ELOVL4: variants seen among roughly 807,000 people sequenced by gnomAD.
ELOVL4 encodes the protein very long chain fatty acid elongase 4.
A neutral mutation model predicts 42.1 loss-of-function variants in ELOVL4; 18 were observed. That is an observed-to-expected ratio of 0.43 (90% CI 0.30 to 0.63). ELOVL4 has a LOEUF of 0.63. Among genes scored for constraint, ELOVL4 ranks in the 30% least tolerant of loss-of-function variants. The pLI, the probability that ELOVL4 is intolerant of heterozygous loss-of-function variation, is 0.15. For synonymous variants in ELOVL4, 117 were observed against 127.0 expected (o/e 0.92, Z 0.53); for missense variants, 299 against 376.2 (o/e 0.79, Z 1.70).
intron 1 of ELOVL4, among the ~76,000 whole-genome samples, chr6:79,936,166 C>A (rs562427688): frequency 6.6e-6 from 1 of 152,180 alleles, no homozygotes. Flanking sequence ...TTTAATCTAC[C>A]ATAAAAAAAG....
At chr6:79,943,818 T>A (rs537091248) in intron 1 of ELOVL4, among the ~76,000 whole-genome samples, 26 of 152,318 alleles carry the variant, frequency 1.7e-4, no homozygotes, top group African/African-American at 6.0e-4. Context: ...TCCCTCTTCC[T>A]GTACCACTCA....
intron 1 of ELOVL4, among the ~76,000 whole-genome samples, chr6:79,928,439 T>G (rs1345970111): frequency 6.6e-6 from 1 of 151,742 alleles, no homozygotes; most frequent in Non-Finnish European, 1.5e-5. Context: ...AAAAAAAAAA[T>G]TAAAGAAATA....
intron 3 of ELOVL4, among the ~76,000 whole-genome samples, chr6:79,924,484 T>C (rs1774311325): frequency 6.6e-6 from 1 of 152,144 alleles, no homozygotes; most frequent in Non-Finnish European, 1.5e-5. Context: ...TTAAGTACTT[T>C]TTAAAAAAGC....
intron 1 of ELOVL4, among the ~76,000 whole-genome samples, chr6:79,932,406 G>C (rs145869247): frequency 4.2e-4 from 64 of 151,962 alleles, no homozygotes; most frequent in African/African-American, 1.5e-3. Flanking sequence ...TTAGCTGGGC[G>C]TGGTGGTGTG....
At chr6:79,926,945 C>A (rs1008104017) in intron 1 of ELOVL4, among the ~76,000 whole-genome samples, 1 of 152,162 alleles carries the variant, frequency 6.6e-6, no homozygotes, top group African/African-American at 2.4e-5. Flanking sequence ...TGTAAACAGT[C>A]ACCATATTCA....
At chr6:79,920,036 T>C (rs1451148692) in intron 4 of ELOVL4, among the ~76,000 whole-genome samples, 1 of 152,206 alleles carries the variant, frequency 6.6e-6, no homozygotes, top group East Asian at 1.9e-4. Flanking sequence ...TCAAACTCAA[T>C]GACATTCTTT....
At chr6:79,921,913 G>A in intron 3 of ELOVL4, 117 bp from the exon 4 acceptor site, 1 of 989,400 alleles carries the variant, frequency 1.0e-6, no homozygotes, top group Non-Finnish European at 1.5e-6. Flanking sequence ...TACAAGGCAT[G>A]GAATCATTAA....
chr6:79,921,461 A>C (rs1361880856), intron 4 of ELOVL4, among the ~76,000 whole-genome samples, 164 bp downstream of exon 4: 2 of 53,920 alleles, frequency 3.7e-5, no homozygotes, highest in Non-Finnish European at 7.2e-5. Flanking sequence ...CTCCATCTCA[A>C]AAAAAAAAAA....
In ELOVL4 at chr6:79,947,378, G is replaced by A. The variant is rs914505593; in HGVS notation, c.-99C>T. On this transcript the variant is annotated 5_prime_UTR_variant, in exon 1 of 6. Coordinates refer to ENST00000369816, the MANE Select transcript of ELOVL4 (RefSeq NM_022726.4). ...CGGCCGACGGGGCGAGCGGCGGCCG[G>A]GAACCCCTCTAACGGCGGCGGCCCG... The A allele has an allele frequency of 6.5e-6, 6 of 916,952 alleles. No individual in the cohort carries two copies. The Admixed American group carries it at 9.9e-5, about 15-fold the overall frequency. The allele number at this position is 916,952 out of a possible 1,614,324, so 56.8% of individuals were successfully genotyped here.
chr6:79,933,655 C>A (rs1311585032), intron 1 of ELOVL4, among the ~76,000 whole-genome samples: 1 of 152,108 alleles, frequency 6.6e-6, no homozygotes, highest in Non-Finnish European at 1.5e-5. Flanking sequence ...CACTAGACTA[C>A]CCATGTAAGA....
At chr6:79,922,425 A>G (rs917730490) in intron 3 of ELOVL4, among the ~76,000 whole-genome samples, 2 of 152,212 alleles carry the variant, frequency 1.3e-5, no homozygotes, top group Admixed American at 6.5e-5. Flanking sequence ...GCTTACATGA[A>G]TAAGTCTTTT....
chr6:79,922,291 G>A (rs1285701299), intron 3 of ELOVL4, among the ~76,000 whole-genome samples: 1 of 148,500 alleles, frequency 6.7e-6, no homozygotes, highest in Admixed American at 6.8e-5. Flanking sequence ...TCACCTCTCC[G>A]ACTGCACCAA....
At chr6:79,926,099 G>T in intron 2 of ELOVL4, 95 bp downstream of exon 2, 1 of 1,138,934 alleles carries the variant, frequency 8.8e-7, no homozygotes, top group Non-Finnish European at 1.3e-6. Context: ...TAACAGTTAT[G>T]TCTGGGTAAA....
chr6:79,935,147 C>T (rs1463736051), intron 1 of ELOVL4, among the ~76,000 whole-genome samples: 1 of 152,024 alleles, frequency 6.6e-6, no homozygotes, highest in Admixed American at 6.6e-5. Context: ...TCAACTAACC[C>T]AGGTAACTTC....
chr6:79,927,684 T>C (rs939553941), intron 1 of ELOVL4, among the ~76,000 whole-genome samples: 11 of 152,182 alleles, frequency 7.2e-5, no homozygotes, highest in African/African-American at 2.7e-4. Context: ...AGGTGAGCTA[T>C]TGCTTGATGA....
chr6:79,946,858 A>T (rs1347571337), intron 1 of ELOVL4, among the ~76,000 whole-genome samples: 1 of 152,170 alleles, frequency 6.6e-6, no homozygotes, highest in Non-Finnish European at 1.5e-5. Context: ...ATGTGGGAGC[A>T]CAGGGTGGGG....
At chr6:79,922,937 T>C (rs1774282628) in intron 3 of ELOVL4, among the ~76,000 whole-genome samples, 1 of 152,126 alleles carries the variant, frequency 6.6e-6, no homozygotes, top group Admixed American at 6.6e-5. Flanking sequence ...TGGTTGAAAA[T>C]AAGCTTGAAA....
chr6:79,929,593 C>G (rs1232060464), intron 1 of ELOVL4, among the ~76,000 whole-genome samples: 1 of 152,160 alleles, frequency 6.6e-6, no homozygotes, highest in Non-Finnish European at 1.5e-5. Context: ...CTAACTGATG[C>G]TATGCCATTA....
chr6:79,945,624 C>T (rs951173687), intron 1 of ELOVL4, among the ~76,000 whole-genome samples: 7 of 151,986 alleles, frequency 4.6e-5, no homozygotes, highest in African/African-American at 1.7e-4. Context: ...CCTAGGTGTG[C>T]GAAGTGCAAT....
Sources: gnomAD v4.1 joint callset for allele counts (sites outside exome capture counted in the v4.1 genomes callset) on GRCh38, gnomAD v4.1.1 for gene constraint, MANE v1.5 for transcripts, NCBI Gene and HGNC (gene_info 2026-07-23, HGNC 2026-07-21) for gene names.